Variants in NCOA1 observed in about 807,000 individuals in gnomAD.
NCOA1 encodes the protein nuclear receptor coactivator 1, also known as Hin-2 protein.
Under a neutral mutation model 150.9 loss-of-function variants are expected in NCOA1, and 35 were observed. The observed-to-expected ratio is 0.23, with a 90% CI of 0.18 to 0.31. NCOA1 has a LOEUF of 0.31. NCOA1 is among the 10% of genes least tolerant of loss of function. The pLI, the probability that NCOA1 is intolerant of heterozygous loss-of-function variation, is 1.00. For synonymous variants in NCOA1, 590 were observed against 630.0 expected (o/e 0.94, Z 0.95); for missense variants, 1,491 against 1,749.3 (o/e 0.85, Z 2.63).
intron 3 of NCOA1, among the ~76,000 whole-genome samples, chr2:24,596,656 G>A (rs992858121): frequency 1.3e-5 from 2 of 151,942 alleles, no homozygotes; most frequent in Admixed American, 6.6e-5. Context: ...AATATAAGAT[G>A]GCATACTTAA....
chr2:24,685,814 G>T (rs1235506841), intron 8 of NCOA1, among the ~76,000 whole-genome samples: 1 of 152,132 alleles, frequency 6.6e-6, no homozygotes, highest in Non-Finnish European at 1.5e-5. Flanking sequence ...ATTTCTGAAT[G>T]ATAGATCTAC....
At chr2:24,553,209 T>G (rs975836613) in intron 1 of NCOA1, among the ~76,000 whole-genome samples, 15 of 152,056 alleles carry the variant, frequency 9.9e-5, no homozygotes, top group African/African-American at 3.4e-4. Flanking sequence ...GATGTGGAAG[T>G]TTTTCAAATG....
chr2:24,501,368 G>A (rs1663453174), intron 1 of NCOA1, among the ~76,000 whole-genome samples: 2 of 152,080 alleles, frequency 1.3e-5, no homozygotes, highest in Admixed American at 6.6e-5. Context: ...ATGAAAGCAA[G>A]ATATAAAAAT....
chr2:24,687,566 G>A (rs535334579), intron 8 of NCOA1, among the ~76,000 whole-genome samples: 2 of 152,162 alleles, frequency 1.3e-5, no homozygotes, highest in Non-Finnish European at 2.9e-5. Context: ...CACATGGCTG[G>A]GGAGGCCTCA....
At chr2:24,714,073 T>C (rs1673898804) in intron 14 of NCOA1, among the ~76,000 whole-genome samples, 1 of 152,218 alleles carries the variant, frequency 6.6e-6, no homozygotes, top group East Asian at 1.9e-4. Flanking sequence ...GATAATCAAG[T>C]CCTGACCAAT....
chr2:24,656,027 G>C (rs1479549303), intron 4 of NCOA1, among the ~76,000 whole-genome samples: 2 of 149,810 alleles, frequency 1.3e-5, no homozygotes, highest in African/African-American at 4.9e-5. Context: ...GGCGGAGCTT[G>C]CAGTGAGCTG....
At chr2:24,681,182 G>A (rs1318862761) in intron 7 of NCOA1, among the ~76,000 whole-genome samples, 1 of 152,010 alleles carries the variant, frequency 6.6e-6, no homozygotes, top group African/African-American at 2.4e-5. Flanking sequence ...TGGCCAACAT[G>A]GTAAAACCCC....
At chr2:24,714,615 A>G (rs1311195632) in intron 14 of NCOA1, among the ~76,000 whole-genome samples, 1 of 152,074 alleles carries the variant, frequency 6.6e-6, no homozygotes, top group African/African-American at 2.4e-5. Context: ...AGAGCAATAA[A>G]CATGACATAG....
intron 1 of NCOA1, among the ~76,000 whole-genome samples, chr2:24,513,062 T>C (rs1340769803): frequency 6.6e-6 from 1 of 152,242 alleles, no homozygotes; most frequent in Non-Finnish European, 1.5e-5. Context: ...TAGTCAGATA[T>C]TAGCTATTTG....
intron 1 of NCOA1, among the ~76,000 whole-genome samples, chr2:24,502,500 C>T (rs1482500394): frequency 6.6e-6 from 1 of 152,054 alleles, no homozygotes; most frequent in Non-Finnish European, 1.5e-5. Flanking sequence ...AATGATTATC[C>T]TAATTTTTAC....
intron 19 of NCOA1, among the ~76,000 whole-genome samples, chr2:24,744,924 T>G (rs1180577916): frequency 1.3e-5 from 2 of 152,232 alleles, no homozygotes; most frequent in African/African-American, 2.4e-5. Context: ...ATTTCTGTGT[T>G]AAGTGATGAC....
intron 1 of NCOA1, among the ~76,000 whole-genome samples, chr2:24,516,515 G>C (rs1048801115): frequency 2.6e-5 from 4 of 151,320 alleles, no homozygotes; most frequent in African/African-American, 7.3e-5. Context: ...TAATTGAGGG[G>C]AGGAGCAAAG....
intron 8 of NCOA1, among the ~76,000 whole-genome samples, chr2:24,687,228 C>G (rs1558287141): frequency 6.6e-6 from 1 of 152,130 alleles, no homozygotes; most frequent in Non-Finnish European, 1.5e-5. Flanking sequence ...AGATATTTAG[C>G]TCTTCTTCTA....
chr2:24,502,039 T>A (rs986919970), intron 1 of NCOA1, among the ~76,000 whole-genome samples: 5 of 152,200 alleles, frequency 3.3e-5, no homozygotes, highest in Admixed American at 1.3e-4. Flanking sequence ...TTGAGTTCTG[T>A]CTGTTTATTG....
intron 10 of NCOA1, among the ~76,000 whole-genome samples, chr2:24,695,516 T>C (rs1209354664): frequency 1.3e-5 from 2 of 152,190 alleles, no homozygotes; most frequent in African/African-American, 4.8e-5. Context: ...ATATAAAATA[T>C]GCTTAAAATG....
intron 1 of NCOA1, among the ~76,000 whole-genome samples, chr2:24,533,911 G>A (rs1665006870): frequency 6.6e-6 from 1 of 152,034 alleles, no homozygotes; most frequent in Non-Finnish European, 1.5e-5. Context: ...TCTCTTTTTT[G>A]TTGTGTCTCT....
At chr2:24,690,348 T>C (rs958090524) in intron 8 of NCOA1, among the ~76,000 whole-genome samples, 1 of 151,726 alleles carries the variant, frequency 6.6e-6, no homozygotes, top group African/African-American at 2.4e-5. Flanking sequence ...AGGAAAACGT[T>C]TGGGAACAGT....
chr2:24,760,828 T>A (rs973963132), intron 21 of NCOA1, among the ~76,000 whole-genome samples: 13 of 151,962 alleles, frequency 8.6e-5, no homozygotes, highest in South Asian at 4.1e-4. Context: ...TTGGAAAAAA[T>A]TTTTTGTTGT....
rs977782773 is a variant in NCOA1, at chr2:24,548,440, A to G, written c.-395-15855A>G. Among the ~76,000 whole-genome samples the G allele has an allele frequency of 3.3e-5, 5 of 152,226 alleles. No individual in the cohort carries two copies. In the South Asian group the frequency reaches 8.3e-4, roughly 25 times the overall value. On this transcript the variant is annotated intron_variant, in intron 1 of 22. Transcript: ENST00000348332. The stretch of plus-strand genomic sequence containing the variant: ...TTGGGTGGGGACACAGTCAAACCAT[A>G]TCATTCCATCCCTGGCCCCTCCAAA...
Sources: gnomAD v4.1 joint callset for allele counts (sites outside exome capture counted in the v4.1 genomes callset) on GRCh38, gnomAD v4.1.1 for gene constraint, MANE v1.5 for transcripts, NCBI Gene and HGNC (gene_info 2026-07-23, HGNC 2026-07-21) for gene names.